Variants in CMYA5 observed in about 807,000 individuals in gnomAD.
CMYA5 encodes cardiomyopathy-associated protein 5.
Under a neutral mutation model 318.9 loss-of-function variants are expected in CMYA5, and 246 were observed. The observed-to-expected ratio is 0.77, with a 90% CI of 0.70 to 0.86. The LOEUF (loss-of-function observed/expected upper bound fraction) is 0.86, where lower values mean the gene tolerates loss of function less well. CMYA5 is among the 40% of genes least tolerant of loss of function. The pLI, the probability that CMYA5 is intolerant of heterozygous loss-of-function variation, is 0.00. For synonymous variants in CMYA5, 1,641 were observed against 1,729.5 expected (o/e 0.95, Z 1.27); for missense variants, 4,589 against 4,678.2 (o/e 0.98, Z 0.56).
intron 1 of CMYA5, among the ~76,000 whole-genome samples, chr5:79,718,418 A>G (rs1231361006): frequency 6.6e-6 from 1 of 152,158 alleles, no homozygotes; most frequent in African/African-American, 2.4e-5. Flanking sequence ...AAAGCTTGTA[A>G]TATAAGCAGG....
At chr5:79,762,162 T>A (rs1580793330) in intron 8 of CMYA5, 1 of 507,556 alleles carries the variant, frequency 2.0e-6, no homozygotes, top group Non-Finnish European at 3.4e-6. Context: ...CAGAGGATCA[T>A]AGAAAATGTG....
In CMYA5 at chr5:79,733,231, C is replaced by A; in HGVS notation, c.4466C>A (p.Ala1489Glu). ...SSQHSDKSEE[A>E]RVEDKQDLLF... ...CAGCATTCAGATAAATCTGAGGAAG[C>A]AAGGGTAGAAGACAAACAAGATCTT... The change falls in exon 2 of 13, where the codon GCA (alanine) becomes GAA (glutamate). Residue 1489 changes from alanine (A) to glutamate (E), a missense_variant. Ala to Glu is a moderately radical substitution (Grantham distance 107, BLOSUM62 -1). Transcript: ENST00000446378. 1 of 1,613,632 alleles carries A rather than the reference C, an allele frequency of 6.2e-7. No individual in the cohort carries two copies. The highest frequency in any genetic ancestry group is 1.1e-5 in the South Asian group (1 of 91,018).
intron 11 of CMYA5, among the ~76,000 whole-genome samples, chr5:79,791,843 C>T (rs770170001): frequency 4.6e-5 from 7 of 151,988 alleles, no homozygotes; most frequent in East Asian, 1.9e-4. Context: ...GAGGCAAAGG[C>T]GGAGGATAGG....
chr5:79,775,038 G>A (rs535610587), intron 9 of CMYA5, among the ~76,000 whole-genome samples: 3 of 152,322 alleles, frequency 2.0e-5, no homozygotes, highest in African/African-American at 4.8e-5. Context: ...AGGGTGACAG[G>A]AGGGTCACTG....
intron 1 of CMYA5, among the ~76,000 whole-genome samples, chr5:79,723,895 T>C (rs796750124): frequency 6.6e-5 from 10 of 152,266 alleles, no homozygotes; most frequent in African/African-American, 2.4e-4. Flanking sequence ...AAAAGTATAA[T>C]GTATCACAGC....
In CMYA5 at chr5:79,707,885, C is replaced by T. The variant is rs188404715; in HGVS notation, c.149+17829C>T. Among the ~76,000 whole-genome samples, 9 of 152,298 alleles carry T rather than the reference C, an allele frequency of 5.9e-5. No homozygotes were observed. In the East Asian group the frequency reaches 9.6e-4, roughly 16 times the overall value. On this transcript the variant is annotated intron_variant, in intron 1 of 12. Transcript: ENST00000446378. ...CTCAGAGCTCTGGAGGCTGGGAAGT[C>T]TGAGATCAAGGCACTGCAGATTCAG...
At chr5:79,699,189 G>GAA (rs2151075151) in intron 1 of CMYA5, among the ~76,000 whole-genome samples, 1 of 152,040 alleles carries the variant, frequency 6.6e-6, no homozygotes, top group East Asian at 1.9e-4. Flanking sequence ...AAAAAGAAAA[G>GAA]AAAAAGAGAA....
rs1340588026 is a variant in CMYA5, at chr5:79,718,109, G to A, written c.150-10806G>A. Among the ~76,000 whole-genome samples, 4 of 129,838 alleles carry A rather than the reference G, an allele frequency of 3.1e-5. 1 individual carries two copies. The East Asian group carries it at 7.4e-4, about 24-fold the overall frequency. The allele number at this position is 129,838 out of a possible 152,430, so 85.2% of individuals were successfully genotyped here. A position where few individuals can be genotyped will look rare whatever the true frequency, so the allele number is the denominator to read the frequency against. ...TCACCGTTTTAGCCGGGATGGTCTC[G>A]ATCTCCTGACCTCGTGATCCGCCCG... is the stretch of plus-strand genomic sequence containing the variant. On this transcript the variant is annotated intron_variant, in intron 1 of 12. Transcript: ENST00000446378.
intron 6 of CMYA5, among the ~76,000 whole-genome samples, chr5:79,753,102 C>T (rs919180727): frequency 2.0e-5 from 3 of 151,782 alleles, no homozygotes; most frequent in African/African-American, 4.8e-5. Context: ...CTCTCCCTCT[C>T]TTCTCATTTG....
At chr5:79,776,922 T>C (rs2151098190) in intron 9 of CMYA5, among the ~76,000 whole-genome samples, 1 of 152,194 alleles carries the variant, frequency 6.6e-6, no homozygotes, top group East Asian at 1.9e-4. Flanking sequence ...GGAGAAAGCA[T>C]ACTTAGATCC....
rs756880966 is a variant in CMYA5 at position 79,733,566 on chromosome 5, A to G, written c.4801A>G (p.Thr1601Ala). 4 of 1,613,932 alleles carry G rather than the reference A, an allele frequency of 2.5e-6. No individual in the cohort carries two copies. The Admixed American group carries it at 5.0e-5, about 20-fold the overall frequency. ...KNKPAVEVSS[T>A]AQGDFPSEKQ... is the part of the protein sequence containing the mutation. ...CAAACCGGCAGTGGAGGTATCTTCTACAGCTCAGGGAGACTTCCCATCAGA... is the reference window on the plus strand; with the variant it reads ...CAAACCGGCAGTGGAGGTATCTTCTGCAGCTCAGGGAGACTTCCCATCAGA... Residue 1601 changes from threonine (T) to alanine (A), a missense_variant, in exon 2 of 13, where the codon ACA becomes GCA. Around this residue, in one of 3 missense-constraint regions of CMYA5, gnomAD observed 2,132 missense variants for 2,131.3 expected, o/e 1.00. Coordinates refer to ENST00000446378, the MANE Select transcript of CMYA5 (RefSeq NM_153610.5).
At chr5:79,727,616 C>T (rs1217353420) in intron 1 of CMYA5, among the ~76,000 whole-genome samples, 5 of 152,162 alleles carry the variant, frequency 3.3e-5, no homozygotes, top group Non-Finnish European at 5.9e-5. Context: ...GAAGTGATGG[C>T]AAACGCGGCT....
chr5:79,737,839 A>G lies in CMYA5; in HGVS notation c.9074A>G (p.His3025Arg), dbSNP rs538937185. 4 of 1,603,556 alleles carry G rather than the reference A, an allele frequency of 2.5e-6. No individual in the cohort carries two copies. The highest frequency in any genetic ancestry group is 2.2e-5 in the East Asian group (1 of 44,830). Residue 3025 changes from histidine (H) to arginine (R), a missense_variant, in exon 2 of 13, where the codon CAT (histidine) becomes CGT (arginine). Physicochemically the swap from His to Arg is conservative, Grantham distance 29. Coordinates refer to ENST00000446378, the MANE Select transcript of CMYA5 (RefSeq NM_153610.5). ...AAAGAAAATAAACAAAAGGAAACTC[A>G]TAAGACAAAAGAAGAGATATCCACA... ...PLKENKQKET[H>R]KTKEEISTDS...
Position 79,731,604 on chromosome 5 carries a change from C to G in CMYA5, c.2839C>G (p.Pro947Ala). The G allele has an allele frequency of 6.2e-7, 1 of 1,613,420 alleles. No homozygotes were observed. Among genetic ancestry groups the G allele is most frequent in the Non-Finnish European group, 8.5e-7 (1 of 1,179,722 alleles). Reference sequence around the variant, plus strand: ...TCAAGAAGACATTGGACCTTTTTCTCCAGATTCTGCATTTGTGTCAGAATT... The same window carrying G: ...TCAAGAAGACATTGGACCTTTTTCTGCAGATTCTGCATTTGTGTCAGAATT... ...EDQEDIGPFSPDSAFVSEFSF... is the reference protein window; with the variant it reads ...EDQEDIGPFSADSAFVSEFSF... The change falls in exon 2 of 13, where the codon CCA becomes GCA. Residue 947 changes from proline to alanine, a missense_variant. By Grantham distance (27) the Pro-to-Ala change is conservative. Coordinates refer to ENST00000446378, the MANE Select transcript of CMYA5 (RefSeq NM_153610.5).
In CMYA5 at chr5:79,732,814, G is replaced by T. The variant is rs1827949508; in HGVS notation, c.4049G>T (p.Ser1350Ile). 1.2e-6 allele frequency: 2 copies of T among 1,613,674 alleles called. No homozygotes were observed. The highest frequency in any genetic ancestry group is 1.6e-4 in the Middle Eastern group (1 of 6,062). ...GAAATTAAAAAAGAAATTGAACCCA[G>T]TTCCTCAACAACTACAGCATCTGTA... is the stretch of plus-strand genomic sequence containing the variant. ...SEEIKKEIEP[S>I]SSTTTASVTK... Residue 1350 changes from serine to isoleucine, a missense_variant, in exon 2 of 13, where the codon AGT (serine) becomes ATT (isoleucine). Transcript: ENST00000446378.
chr5:79,716,883 T>A (rs1827529022), intron 1 of CMYA5, among the ~76,000 whole-genome samples: 1 of 152,242 alleles, frequency 6.6e-6, no homozygotes, highest in Non-Finnish European at 1.5e-5. Context: ...ATCACAAATC[T>A]ATAGTGCAGA....
chr5:79,770,870 T>C (rs1580798786), intron 9 of CMYA5, among the ~76,000 whole-genome samples: 1 of 152,164 alleles, frequency 6.6e-6, no homozygotes, highest in South Asian at 2.1e-4. Context: ...GAAGACAGGC[T>C]TCACAAAATA....
chr5:79,742,824 A>G (rs1227107218), intron 2 of CMYA5, among the ~76,000 whole-genome samples: 2 of 152,290 alleles, frequency 1.3e-5, no homozygotes, highest in South Asian at 2.1e-4. Flanking sequence ...CGAAAGCCCA[A>G]TGTTCTGAGA....
chr5:79,776,778 G>C lies in CMYA5; in HGVS notation c.11556-12193G>C, dbSNP rs766263049. 2.6e-5 allele frequency among the ~76,000 whole-genome samples: 4 copies of C among 152,132 alleles called. No homozygotes were observed. The East Asian group carries it at 7.7e-4, about 29-fold the overall frequency. ...GTGAATGTCAGTAAAAGCCAACTGT[G>C]TTTTTTAAAAAACAATACCTATTTA... On this transcript the variant is annotated intron_variant, in intron 9 of 12. Coordinates refer to ENST00000446378, the MANE Select transcript of CMYA5 (RefSeq NM_153610.5).
Sources: allele counts gnomAD v4.1 joint callset (sites outside exome capture counted in the v4.1 genomes callset), GRCh38; gene constraint gnomAD v4.1.1; regional missense constraint gnomAD v4.1.1; transcripts MANE v1.5; gene names NCBI Gene and HGNC (gene_info 2026-07-23, HGNC 2026-07-21).